GRID1: variants seen among roughly 807,000 people sequenced by gnomAD.
GRID1 encodes the protein glutamate receptor ionotropic, delta-1.
Under a neutral mutation model 98.0 loss-of-function variants are expected in GRID1, and 28 were observed. The ratio of observed to expected loss-of-function variants is 0.29; its 90% CI spans 0.21 to 0.39. GRID1 has a LOEUF of 0.39. Ranked by LOEUF, GRID1 falls within the 10% of genes least tolerant of loss-of-function variation. The probability of loss-of-function intolerance (pLI) is 1.00; values close to 1 mark genes in which losing one functional copy is unlikely to be tolerated. For synonymous variants in GRID1, 553 were observed against 538.5 expected (o/e 1.03, Z -0.37); for missense variants, 1,111 against 1,340.5 (o/e 0.83, Z 2.67).
At chr10:85,984,810 A>G (rs1426048120) in intron 4 of GRID1, among the ~76,000 whole-genome samples, 1 of 152,114 alleles carries the variant, frequency 6.6e-6, no homozygotes, top group African/African-American at 2.4e-5. Flanking sequence ...TCCCAGGAGC[A>G]AACCATGGGG....
chr10:86,354,917 C>G (rs990076347), intron 2 of GRID1, among the ~76,000 whole-genome samples: 1 of 152,204 alleles, frequency 6.6e-6, no homozygotes, highest in Non-Finnish European at 1.5e-5. Context: ...CTTGAGACAC[C>G]CAGAATGGCT....
intron 12 of GRID1, among the ~76,000 whole-genome samples, chr10:85,682,466 C>G (rs1197459817): frequency 6.6e-6 from 1 of 152,170 alleles, no homozygotes; most frequent in East Asian, 1.9e-4. Context: ...GAATAAAAAG[C>G]CCTGATTTCT....
chr10:86,183,486 A>G (rs879258759), intron 3 of GRID1, among the ~76,000 whole-genome samples: 1 of 152,124 alleles, frequency 6.6e-6, no homozygotes, highest in Non-Finnish European at 1.5e-5. Flanking sequence ...CAGCCTCCCA[A>G]GTAGCTAGGA....
intron 8 of GRID1, among the ~76,000 whole-genome samples, chr10:85,774,879 G>C (rs1842313330): frequency 6.6e-6 from 1 of 151,304 alleles, no homozygotes; most frequent in Non-Finnish European, 1.5e-5. Context: ...CTGTTGGTGG[G>C]ACCGTAAACT....
chr10:86,079,516 A>T (rs573977031), intron 4 of GRID1, among the ~76,000 whole-genome samples: 1 of 152,280 alleles, frequency 6.6e-6, no homozygotes, highest in African/African-American at 2.4e-5. Flanking sequence ...CCAGGAAGTG[A>T]GGGAAATAGA....
At chr10:85,653,272 G>C (rs1289576622) in intron 12 of GRID1, among the ~76,000 whole-genome samples, 2 of 152,244 alleles carry the variant, frequency 1.3e-5, no homozygotes, top group African/African-American at 4.8e-5. Context: ...ATAAAGCAGA[G>C]CAAGGGTGAG....
intron 8 of GRID1, among the ~76,000 whole-genome samples, chr10:85,824,993 G>C (rs575361840): frequency 6.6e-6 from 1 of 152,114 alleles, no homozygotes; most frequent in African/African-American, 2.4e-5. Flanking sequence ...AAATTGTGTT[G>C]CAATAAACAT....
intron 13 of GRID1, chr10:85,646,932 C>G: frequency 4.0e-6 from 2 of 496,872 alleles, no homozygotes; most frequent in Non-Finnish European, 3.7e-6. Context: ...TGTCACCCTC[C>G]TATGAGCCCA....
chr10:86,118,552 G>A (rs553796790), intron 4 of GRID1, among the ~76,000 whole-genome samples: 3 of 152,092 alleles, frequency 2.0e-5, no homozygotes, highest in African/African-American at 2.4e-5. Flanking sequence ...TCCAAACAAC[G>A]GATGTAGATA....
At chr10:85,639,725 T>C (rs1449896416) in intron 13 of GRID1, among the ~76,000 whole-genome samples, 3 of 151,958 alleles carry the variant, frequency 2.0e-5, no homozygotes, top group Admixed American at 6.6e-5. Flanking sequence ...AATACAAAAT[T>C]AGCTGGGCAT....
At chr10:86,302,322 G>C (rs1041751280) in intron 2 of GRID1, among the ~76,000 whole-genome samples, 1 of 152,188 alleles carries the variant, frequency 6.6e-6, no homozygotes, top group Non-Finnish European at 1.5e-5. Flanking sequence ...GGGGAACCAG[G>C]GGCAGCACTG....
At chr10:85,631,315 C>T (rs1028074519) in intron 13 of GRID1, among the ~76,000 whole-genome samples, 22 of 152,138 alleles carry the variant, frequency 1.4e-4, no homozygotes, top group Non-Finnish European at 2.5e-4. Context: ...ACATTGAGCC[C>T]CCTGACCATC....
chr10:86,022,868 A>T (rs1263086709), intron 4 of GRID1, among the ~76,000 whole-genome samples: 1 of 151,672 alleles, frequency 6.6e-6, no homozygotes, highest in Non-Finnish European at 1.5e-5. Flanking sequence ...CAGTGAGCCA[A>T]GATCGCACCA....
chr10:86,088,057 G>A (rs1392075316), intron 4 of GRID1, among the ~76,000 whole-genome samples: 1 of 152,206 alleles, frequency 6.6e-6, no homozygotes, highest in Non-Finnish European at 1.5e-5. Flanking sequence ...ACGCTTCCGT[G>A]GCTTTGTATC....
chr10:85,619,675 C>T (rs1842835108), intron 14 of GRID1, among the ~76,000 whole-genome samples, 192 bp downstream of exon 14: 1 of 152,206 alleles, frequency 6.6e-6, no homozygotes, highest in Non-Finnish European at 1.5e-5. Flanking sequence ...TCTGAGCCTT[C>T]CTGGCAGGGA....
intron 3 of GRID1, among the ~76,000 whole-genome samples, chr10:86,143,873 T>C (rs1845046389): frequency 6.6e-6 from 1 of 152,186 alleles, no homozygotes. Flanking sequence ...CTGCAAGGAA[T>C]GCAAGGTGAC....
At chr10:85,835,401 AC>A in intron 8 of GRID1, among the ~76,000 whole-genome samples, 1 of 152,322 alleles carries the variant, frequency 6.6e-6, no homozygotes, top group East Asian at 1.9e-4. Flanking sequence ...AGATAATTGA[AC>A]GATGGGGGCA....
chr10:86,074,266 A>G (rs111388256), intron 4 of GRID1, among the ~76,000 whole-genome samples: 6,621 of 152,138 alleles, frequency 0.044, 167 homozygotes, highest in Middle Eastern at 0.068. Flanking sequence ...TATTCCTTCT[A>G]TCTTTCTAAA....
intron 4 of GRID1, among the ~76,000 whole-genome samples, chr10:85,997,962 T>C (rs1459087206): frequency 6.6e-6 from 1 of 152,190 alleles, no homozygotes; most frequent in African/African-American, 2.4e-5. Context: ...AAGAAGATTA[T>C]AATGCATAGA....
Sources: gnomAD v4.1 joint callset for allele counts (sites outside exome capture counted in the v4.1 genomes callset) on GRCh38, gnomAD v4.1.1 for gene constraint, MANE v1.5 for transcripts, NCBI Gene and HGNC (gene_info 2026-07-23, HGNC 2026-07-21) for gene names.